SENP7: variants seen among roughly 807,000 people sequenced by gnomAD.
The protein encoded by SENP7 is sentrin-specific protease 7.
SENP7 carries 64 observed loss-of-function variants against 141.2 expected under a neutral mutation model. That is an observed-to-expected ratio of 0.45 (90% confidence interval 0.37 to 0.56). SENP7 has a LOEUF of 0.56. Ranked by LOEUF, SENP7 falls within the 20% of genes least tolerant of loss-of-function variation. The pLI, the probability that SENP7 is intolerant of heterozygous loss-of-function variation, is 0.00. For synonymous variants in SENP7, 382 were observed against 426.4 expected, an observed-to-expected ratio of 0.90 and a Z score of 1.28; for missense variants, 1,025 against 1,212.2, an observed-to-expected ratio of 0.85 and a Z score of 2.29.
intron 6 of SENP7, among the ~76,000 whole-genome samples, chr3:101,391,560 T>C (rs1011272074): frequency 6.6e-6 from 1 of 151,926 alleles, no homozygotes; most frequent in African/African-American, 2.4e-5. Flanking sequence ...AACCTGAACA[T>C]ACCAGTAACA....
intron 12 of SENP7, among the ~76,000 whole-genome samples, 169 bp downstream of exon 12, chr3:101,351,449 A>C (rs2059611558): frequency 1.3e-5 from 2 of 151,908 alleles, no homozygotes; most frequent in African/African-American, 4.8e-5. Context: ...ATTTATAGTC[A>C]TTAAAACAAT....
At chr3:101,489,777 C>G (rs1576507424) in intron 3 of SENP7, among the ~76,000 whole-genome samples, 1 of 152,228 alleles carries the variant, frequency 6.6e-6, no homozygotes, top group Non-Finnish European at 1.5e-5. Context: ...CAAAGAGACT[C>G]TCACTTAAAC....
At chr3:101,399,995 A>G (rs967640298) in intron 5 of SENP7, among the ~76,000 whole-genome samples, 3 of 152,208 alleles carry the variant, frequency 2.0e-5, no homozygotes, top group African/African-American at 4.8e-5. Context: ...TATAAGCCTG[A>G]TATCTTCTTA....
intron 14 of SENP7, 140 bp downstream of exon 14, chr3:101,343,546 G>T: frequency 1.5e-6 from 1 of 655,946 alleles, no homozygotes. Flanking sequence ...AATTGTTCCA[G>T]CATTGGCAAC....
At chr3:101,341,828 A>G in intron 14 of SENP7, 49 bp from the exon 15 acceptor site, 1 of 1,525,500 alleles carries the variant, frequency 6.6e-7, no homozygotes, top group Non-Finnish European at 8.9e-7. Context: ...TAACTTTCAA[A>G]AGAACAAAGT....
At chr3:101,390,707 G>A (rs1244584820) in intron 6 of SENP7, among the ~76,000 whole-genome samples, 1 of 151,896 alleles carries the variant, frequency 6.6e-6, no homozygotes, top group Non-Finnish European at 1.5e-5. Flanking sequence ...GACAGAAATT[G>A]AACAACAAAG....
intron 6 of SENP7, among the ~76,000 whole-genome samples, chr3:101,386,101 C>T (rs1462881509): frequency 2.0e-5 from 3 of 152,130 alleles, no homozygotes; most frequent in African/African-American, 4.8e-5. Flanking sequence ...GCACTTGCCT[C>T]CTCCACAATT....
Position 101,431,677 on chromosome 3 carries a change from G to A in SENP7, c.285-13887C>T, listed in dbSNP as rs189705256. Among the ~76,000 whole-genome samples, 639 of 151,888 alleles carry A rather than the reference G, an allele frequency of 4.2e-3. 3 individuals carry two copies. Among genetic ancestry groups the A allele is most frequent in the Non-Finnish European group, 6.7e-3 (458 of 67,966 alleles). On this transcript the variant is annotated intron_variant, in intron 4 of 23. Transcript: ENST00000394095. ...CGTGGGTCTGTAGTCCTAGCTACTC[G>A]GGAGGCTGAGGAAGGAGAATCGCTT...
At chr3:101,352,652 C>G (rs1262683519) in intron 11 of SENP7, among the ~76,000 whole-genome samples, 1 of 151,872 alleles carries the variant, frequency 6.6e-6, no homozygotes, top group Non-Finnish European at 1.5e-5. Flanking sequence ...GAATTTGTAC[C>G]TATTTATTTA....
chr3:101,368,708 G>A (rs185235311), intron 7 of SENP7, among the ~76,000 whole-genome samples: 69 of 152,074 alleles, frequency 4.5e-4, no homozygotes, highest in Admixed American at 3.6e-3. Context: ...TTGTGCACAC[G>A]TACCCTAGGA....
intron 5 of SENP7, among the ~76,000 whole-genome samples, chr3:101,416,124 GT>G (rs1271885171): frequency 6.6e-6 from 1 of 152,192 alleles, no homozygotes; most frequent in Non-Finnish European, 1.5e-5. Context: ...AACAAGTTGA[GT>G]TTAGGACACC....
rs1576200171 is a variant in SENP7, at chr3:101,391,824, T to C, written c.677+7037A>G. On this transcript the variant is annotated intron_variant, in intron 6 of 23. Transcript: ENST00000394095. ...AATATGAGCAACACAGATGCAAAAA[T>C]CCTCAACAGAATACTAGCAAACAGA... Among the ~76,000 whole-genome samples the C allele has an allele frequency of 2.6e-5, 4 of 152,004 alleles. No individual in the cohort carries two copies. The East Asian group carries it at 5.8e-4, about 22-fold the overall frequency.
In SENP7 at chr3:101,326,201, T is replaced by C. The variant is rs1005602724; in HGVS notation, c.3016-121A>G. ...TTTTAAAATAACAATTATATTAAGATATAATTCACATAATACAATTCACCA... is the reference window on the plus strand; with the variant it reads ...TTTTAAAATAACAATTATATTAAGACATAATTCACATAATACAATTCACCA... On this transcript the variant is annotated intron_variant, in intron 23 of 23. Coordinates refer to ENST00000394095, the MANE Select transcript of SENP7 (RefSeq NM_020654.5). 9 of 779,724 alleles carry C rather than the reference T, an allele frequency of 1.2e-5. No homozygotes were observed. In the East Asian group the frequency reaches 2.4e-4, roughly 20 times the overall value. 48.3% of individuals were successfully genotyped at this position (779,724 alleles called of 1,614,324 possible). A position where few individuals can be genotyped will look rare whatever the true frequency, so the allele number is the denominator to read the frequency against.
At chr3:101,478,992 A>T (rs906937904) in intron 3 of SENP7, among the ~76,000 whole-genome samples, 5 of 152,208 alleles carry the variant, frequency 3.3e-5, no homozygotes, top group African/African-American at 7.2e-5. Context: ...AATTTGATAA[A>T]ATAATGTCTC....
At position 101,513,164 on chromosome 3, in the gene SENP7, C is replaced by A. The variant is rs767564309; in HGVS notation, c.-34G>T. ...GCTGCTGAAATTTCAGTTGCAGGCG[C>A]TGTCACCTCAGGACCCCTCCGGCTT... On this transcript the variant is annotated 5_prime_UTR_variant, in exon 1 of 24. Coordinates refer to ENST00000394095, the MANE Select transcript of SENP7 (RefSeq NM_020654.5). 1.4e-6 allele frequency: 2 copies of A among 1,415,624 alleles called. No individual in the cohort carries two copies. Among genetic ancestry groups the A allele is most frequent in the African/African-American group, 1.6e-5 (1 of 64,440 alleles). The allele number at this position is 1,415,624 out of a possible 1,614,324, so 87.7% of individuals were successfully genotyped here. A position where few individuals can be genotyped will look rare whatever the true frequency, so the allele number is the denominator to read the frequency against.
At chr3:101,430,655 A>AT (rs1378281206) in intron 4 of SENP7, among the ~76,000 whole-genome samples, 2 of 151,966 alleles carry the variant, frequency 1.3e-5, no homozygotes, top group Non-Finnish European at 2.9e-5. Flanking sequence ...GGATTCACTG[A>AT]TTTTTTGAAG....
chr3:101,328,014 A>C (rs545234979), intron 22 of SENP7, among the ~76,000 whole-genome samples, 198 bp from the exon 23 acceptor site: 2 of 152,318 alleles, frequency 1.3e-5, no homozygotes, highest in South Asian at 4.1e-4. Context: ...TGTGATTTTC[A>C]AAGTAAAAGC....
rs1432698655 is a variant in SENP7, at chr3:101,366,754, C to G, written c.994G>C (p.Asp332His). Residue 332 changes from aspartate to histidine, a missense_variant, in exon 9 of 24, where the codon GAC becomes CAC. Transcript: ENST00000394095. ...STEQTKKQEDDSTISTEFEKP... is the reference protein window; with the variant it reads ...STEQTKKQEDHSTISTEFEKP... ...TCAAACTCAGTGGATATTGTTGAGTCATCTTCTTGTTTTTTCTAAACATAA... is the reference window on the plus strand; with the variant it reads ...TCAAACTCAGTGGATATTGTTGAGTGATCTTCTTGTTTTTTCTAAACATAA... 6.3e-7 allele frequency: 1 copy of G among 1,581,210 alleles called. No homozygotes were observed. The highest frequency in any genetic ancestry group is 1.2e-5 in the South Asian group (1 of 86,108).
At chr3:101,470,115 G>A (rs1287525264) in intron 3 of SENP7, among the ~76,000 whole-genome samples, 3 of 152,158 alleles carry the variant, frequency 2.0e-5, no homozygotes, top group Non-Finnish European at 4.4e-5. Flanking sequence ...ATGTCCACAA[G>A]AGAAAGCAGG....
Sources: gnomAD v4.1 joint callset for allele counts (sites outside exome capture counted in the v4.1 genomes callset) on GRCh38, gnomAD v4.1.1 for gene constraint, MANE v1.5 for transcripts, NCBI Gene and HGNC (gene_info 2026-07-23, HGNC 2026-07-21) for gene names.